ADCY3: variants seen among roughly 807,000 people sequenced by gnomAD.
ADCY3 encodes adenylate cyclase 3.
Under a neutral mutation model 119.4 loss-of-function variants are expected in ADCY3, and 70 were observed. The ratio of observed to expected loss-of-function variants is 0.59; its 90% confidence interval spans 0.48 to 0.72. The LOEUF (loss-of-function observed/expected upper bound fraction) is 0.72, where lower values mean the gene tolerates loss of function less well. Ranked by LOEUF, ADCY3 falls within the 30% of genes least tolerant of loss-of-function variation. ADCY3 has a pLI of 0.00. For synonymous variants in ADCY3, 672 were observed against 621.4 expected (o/e 1.08, Z -1.21); for missense variants, 1,238 against 1,541.6 (o/e 0.80, Z 3.30).
At position 24,899,950 on chromosome 2, in the gene ADCY3, C is replaced by A. The variant is rs532383245; in HGVS notation, c.675+18363G>T. 2.6e-5 allele frequency among the ~76,000 whole-genome samples: 4 copies of A among 152,156 alleles called. No homozygotes were observed. In the South Asian group the frequency reaches 6.2e-4, roughly 24 times the overall value. On this transcript the variant is annotated intron_variant, in intron 2 of 21. Transcript: ENST00000679454. This position sits in a 1 kb window ranked among gnomAD's most constrained non-coding sequence, Gnocchi z 4.5. ...TAGTGCTTCATAATATAGAAGAAAACTGATATTCGTTTAAGAGAAGCCTCA... is the reference window on the plus strand; with the variant it reads ...TAGTGCTTCATAATATAGAAGAAAAATGATATTCGTTTAAGAGAAGCCTCA...
At position 24,918,218 on chromosome 2, in the gene ADCY3, G is replaced by T; in HGVS notation, c.675+95C>A. ...CCCGGAGGCCCCCAGGACACATTTT[G>T]ACTCAAAGGCAAAGCAAACAGCAAC... On this transcript the variant is annotated intron_variant, in intron 2 of 21. Transcript: ENST00000679454. The surrounding 1 kb of genome is among the most constrained non-coding windows in gnomAD (Gnocchi z 5.4). 1 of 1,398,404 alleles carries T rather than the reference G, an allele frequency of 7.2e-7. No homozygotes were observed. The highest frequency in any genetic ancestry group is 1.4e-5 in the South Asian group (1 of 70,568). The allele number at this position is 1,398,404 out of a possible 1,614,324, so 86.6% of individuals were successfully genotyped here.
intron 2 of ADCY3, among the ~76,000 whole-genome samples, chr2:24,873,466 C>T (rs1015181767): frequency 6.6e-6 from 1 of 152,190 alleles, no homozygotes; most frequent in African/African-American, 2.4e-5. Flanking sequence ...GCTTCTGGGG[C>T]ATCAAGTGCC....
At chr2:24,831,473 G>GGT (rs1669498875) in intron 12 of ADCY3, among the ~76,000 whole-genome samples, 189 bp downstream of exon 12, 1 of 152,232 alleles carries the variant, frequency 6.6e-6, no homozygotes, top group Non-Finnish European at 1.5e-5. Flanking sequence ...GCCACAGCCT[G>GGT]GTGGCCCAGC....
chr2:24,878,913 C>T lies in ADCY3; in HGVS notation c.676-6194G>A, dbSNP rs1211956882. Among the ~76,000 whole-genome samples, 1 of 152,240 alleles carries T rather than the reference C, an allele frequency of 6.6e-6. No individual in the cohort carries two copies. The highest frequency in any genetic ancestry group is 1.5e-5 in the Non-Finnish European group (1 of 68,042). On this transcript the variant is annotated intron_variant, in intron 2 of 21. Transcript: ENST00000679454. This position sits in a 1 kb window ranked among gnomAD's most constrained non-coding sequence, Gnocchi z 4.0. ...TGTTCTGCACTTGCCCTTCTCTGTC[C>T]TCACTCCTTCGCCTCGTCGCCTGGA...
At chr2:24,901,065 C>CA (rs1237170201) in intron 2 of ADCY3, among the ~76,000 whole-genome samples, 4 of 151,418 alleles carry the variant, frequency 2.6e-5, no homozygotes, top group East Asian at 1.9e-4. Context: ...GACTCCGTCT[C>CA]AAAAAAAAGG....
Position 24,820,848 on chromosome 2 carries a change from C to T in ADCY3, c.3128G>A (p.Gly1043Asp). The change falls in exon 21 of 22, where the codon GGC (glycine) becomes GAC (aspartate). Residue 1043 changes from glycine (G) to aspartate (D), a missense_variant and splice_region_variant. By Grantham distance (94) the Gly-to-Asp change is moderately conservative. Coordinates refer to ENST00000679454, the MANE Select transcript of ADCY3 (RefSeq NM_004036.5). The stretch of plus-strand genomic sequence containing the variant: ...AGCCAGAACCCCGCCTTTGTTCATG[C>T]CTAGGGTAGAGGCATAAAGTTCAGC... Reference protein sequence around the residue: ...QSFNNFMLRIGMNKGGVLAGV... With the variant: ...QSFNNFMLRIDMNKGGVLAGV... 6.2e-7 allele frequency: 1 copy of T among 1,613,788 alleles called. No homozygotes were observed. Among genetic ancestry groups the T allele is most frequent in the Non-Finnish European group, 8.5e-7 (1 of 1,179,782 alleles).
chr2:24,853,932 A>G (rs1472217170), intron 3 of ADCY3, among the ~76,000 whole-genome samples: 1 of 152,242 alleles, frequency 6.6e-6, no homozygotes, highest in Non-Finnish European at 1.5e-5. Context: ...GAGGATATAC[A>G]ATAATCAGTA....
At chr2:24,854,765 C>T (rs1672804754) in intron 3 of ADCY3, among the ~76,000 whole-genome samples, 1 of 139,724 alleles carries the variant, frequency 7.2e-6, no homozygotes, top group East Asian at 1.9e-4. Context: ...AAATGAATTC[C>T]CAGCCTGGGC....
chr2:24,832,960 C>T lies in ADCY3; in HGVS notation c.1968-1211G>A, dbSNP rs758291948. Among the ~76,000 whole-genome samples, 8 of 152,204 alleles carry T rather than the reference C, an allele frequency of 5.3e-5. No homozygotes were observed. The East Asian group carries it at 1.2e-3, about 22-fold the overall frequency. ...GGAGACATCCTCAACTCCACACTCA[C>T]GCCCCACAACCAATCTGCCAGCAAA... is the stretch of plus-strand genomic sequence containing the variant. On this transcript the variant is annotated intron_variant, in intron 11 of 21. Coordinates refer to ENST00000679454, the MANE Select transcript of ADCY3 (RefSeq NM_004036.5).
At chr2:24,822,873 C>T (rs1360430250) in intron 18 of ADCY3, among the ~76,000 whole-genome samples, 6 of 152,162 alleles carry the variant, frequency 3.9e-5, no homozygotes, top group East Asian at 1.9e-4. Flanking sequence ...GGGCTCCGCG[C>T]GTGTGTAAAA....
intron 3 of ADCY3, among the ~76,000 whole-genome samples, chr2:24,866,882 A>T (rs1463922548): frequency 1.3e-5 from 2 of 152,190 alleles, no homozygotes; most frequent in Non-Finnish European, 2.9e-5. Flanking sequence ...CCATCAAAAC[A>T]TTGTCTGAAG....
At chr2:24,836,477 C>T (rs1670344360) in intron 9 of ADCY3, among the ~76,000 whole-genome samples, 1 of 152,234 alleles carries the variant, frequency 6.6e-6, no homozygotes, top group Non-Finnish European at 1.5e-5. Context: ...CACTCTGGGA[C>T]AGCATGCTAA....
intron 2 of ADCY3, among the ~76,000 whole-genome samples, chr2:24,889,600 G>A (rs1225014284): frequency 6.6e-6 from 1 of 152,240 alleles, no homozygotes; most frequent in Admixed American, 6.5e-5. Context: ...ACTTTGGGAG[G>A]CTGAGGCGAG....
rs1450882524 is a variant in ADCY3, at chr2:24,839,836, C to G, written c.1355+37G>C. The G allele has an allele frequency of 2.5e-6, 4 of 1,613,350 alleles. No homozygotes were observed. In the South Asian group the frequency reaches 4.4e-5, roughly 18 times the overall value. ...GGGGATGGAGGGGACGGTCCCCTCC[C>G]CAGTCCTCAAACCTGCCCCCTTGGA... is the stretch of plus-strand genomic sequence containing the variant. On this transcript the variant is annotated intron_variant, in intron 7 of 21. Transcript: ENST00000679454.
chr2:24,916,361 A>G (rs55784418), intron 2 of ADCY3, among the ~76,000 whole-genome samples: 8,965 of 152,222 alleles, frequency 0.059, 358 homozygotes, highest in Non-Finnish European at 0.089. Context: ...GGAGCTAGAG[A>G]GACCAGTCAT....
chr2:24,901,115 C>T (rs1573030220), intron 2 of ADCY3, among the ~76,000 whole-genome samples: 1 of 152,156 alleles, frequency 6.6e-6, no homozygotes, highest in Non-Finnish European at 1.5e-5. Flanking sequence ...GAGGAGGGAG[C>T]AGGTCAGAGC....
At chr2:24,830,378 G>A (rs1669322123) in intron 13 of ADCY3, among the ~76,000 whole-genome samples, 1 of 152,188 alleles carries the variant, frequency 6.6e-6, no homozygotes, top group South Asian at 2.1e-4. Context: ...CTATGAAACT[G>A]CAGATACTGG....
chr2:24,838,415 G>A, intron 8 of ADCY3, 30 bp downstream of exon 8: 1 of 1,517,062 alleles, frequency 6.6e-7, no homozygotes, highest in Non-Finnish European at 8.8e-7. Context: ...TGGGGTGGGT[G>A]GGGTGGGTGG....
chr2:24,821,036 T>G, intron 20 of ADCY3, 188 bp from the exon 21 acceptor site: 1 of 778,302 alleles, frequency 1.3e-6, no homozygotes. Flanking sequence ...GCTTGTTAGG[T>G]GTCAGCCGCC....
Sources: gnomAD v4.1 joint callset for allele counts (sites outside exome capture counted in the v4.1 genomes callset) on GRCh38, gnomAD v4.1.1 for gene constraint, Gnocchi (gnomAD v3.1) non-coding constraint, MANE v1.5 for transcripts, NCBI Gene and HGNC (gene_info 2026-07-23, HGNC 2026-07-21) for gene names.